Variants in GNL2 observed in about 807,000 individuals in gnomAD.
GNL2 encodes G protein nucleolar 2, also known as nucleolar GTP-binding protein 2.
In GNL2, 51 loss-of-function variants were observed where a neutral mutation model predicts 92.3. The ratio of observed to expected loss-of-function variants is 0.55; its 90% CI spans 0.44 to 0.70. GNL2 has a LOEUF of 0.70. Ranked by LOEUF, GNL2 falls within the 30% of genes least tolerant of loss-of-function variation. GNL2 has a pLI of 0.00. For missense variants in GNL2, 844 were observed against 895.6 expected (o/e 0.94, Z 0.74); for synonymous variants, 283 against 300.6 (o/e 0.94, Z 0.61).
intron 5 of GNL2, among the ~76,000 whole-genome samples, chr1:37,584,321 T>A (rs1643818155): frequency 6.6e-6 from 1 of 151,808 alleles, no homozygotes; most frequent in Non-Finnish European, 1.5e-5. Context: ...TAGTGGTGCA[T>A]GCCTGTAATC....
chr1:37,583,981 T>A, intron 5 of GNL2, 48 bp from the exon 6 acceptor site: 1 of 1,044,136 alleles, frequency 9.6e-7, no homozygotes, highest in Non-Finnish European at 1.5e-6. Context: ...CCATCAAGAC[T>A]AAAAGGATGC....
At chr1:37,573,840 G>C (rs1254124259) in intron 12 of GNL2, among the ~76,000 whole-genome samples, 2 of 152,170 alleles carry the variant, frequency 1.3e-5, no homozygotes, top group Non-Finnish European at 2.9e-5. Context: ...GAGAGAGGGT[G>C]GAGTGATCGC....
chr1:37,579,248 G>A (rs1018074649), intron 8 of GNL2, among the ~76,000 whole-genome samples: 2 of 152,144 alleles, frequency 1.3e-5, no homozygotes, highest in African/African-American at 4.8e-5. Flanking sequence ...GCAGCTGGAT[G>A]ATCAAAACAA....
chr1:37,576,483 T>C lies in GNL2; in HGVS notation c.983A>G (p.Asn328Ser). Reference sequence around the variant, plus strand: ...GCAAACTTTCTTAGAACGCAATGTATTTATCACAGAGCTCTTGCCAACATT... The same window carrying C: ...GCAAACTTTCTTAGAACGCAATGTACTTATCACAGAGCTCTTGCCAACATT... ...YPNVGKSSVI[N>S]TLRSKKVCNV... is the part of the protein sequence containing the mutation. Residue 328 changes from asparagine (N) to serine (S), a missense_variant, in exon 9 of 16, where the codon AAT becomes AGT. Coordinates refer to ENST00000373062, the MANE Select transcript of GNL2 (RefSeq NM_013285.3). 6.2e-7 allele frequency: 1 copy of C among 1,614,072 alleles called. No homozygotes were observed. Among genetic ancestry groups the C allele is most frequent in the Non-Finnish European group, 8.5e-7 (1 of 1,179,904 alleles).
In GNL2 at chr1:37,583,254, T is replaced by C. The variant is rs187250596; in HGVS notation, c.637-318A>G. ...TTCTTTAAGTTTGTAATATTATCTT[T>C]AAGTTTGTAATATTATAGGTTTTGT... On this transcript the variant is annotated intron_variant, in intron 6 of 15. Transcript: ENST00000373062. The C allele has an allele frequency of 2.1e-3, 385 of 185,356 alleles. 1 individual carries two copies. The highest frequency in any genetic ancestry group is 8.4e-3 in the African/African-American group (360 of 42,860). 11.5% of individuals were successfully genotyped at this position (185,356 alleles called of 1,614,324 possible). A position where few individuals can be genotyped will look rare whatever the true frequency, so the allele number is the denominator to read the frequency against.
intron 5 of GNL2, among the ~76,000 whole-genome samples, chr1:37,585,305 C>T (rs193094082): frequency 4.7e-4 from 72 of 151,798 alleles, no homozygotes; most frequent in East Asian, 4.7e-3. Context: ...GTGATCCGCC[C>T]GCCTCAGCCT....
chr1:37,592,121 T>C (rs1643891262), intron 3 of GNL2, among the ~76,000 whole-genome samples: 1 of 152,118 alleles, frequency 6.6e-6, no homozygotes, highest in Non-Finnish European at 1.5e-5. Flanking sequence ...AAGCAAACAC[T>C]GGGGTCTGAT....
intron 12 of GNL2, among the ~76,000 whole-genome samples, chr1:37,571,063 G>A (rs1301732708): frequency 3.9e-5 from 6 of 152,102 alleles, no homozygotes; most frequent in African/African-American, 1.4e-4. Context: ...TTTCTAGGAA[G>A]GGCAATTTTT....
At chr1:37,584,708 G>A (rs1046249589) in intron 5 of GNL2, among the ~76,000 whole-genome samples, 1 of 152,118 alleles carries the variant, frequency 6.6e-6, no homozygotes, top group African/African-American at 2.4e-5. Flanking sequence ...TTGGGATGAT[G>A]AAAAAGTTCT....
In GNL2 at chr1:37,569,155, T is replaced by A. The variant is rs768576056; in HGVS notation, c.1564A>T (p.Met522Leu). ...ENSHCDANTE[M>L]QQILTRVRQN... ...CGAACTCGTGTGAGAATCTGCTGCA[T>A]CTCTGTGTTAGCATCACAGTGACTG... Residue 522 changes from methionine to leucine, a missense_variant, in exon 13 of 16, where the codon ATG (methionine) becomes TTG (leucine). Physicochemically the swap from Met to Leu is conservative, Grantham distance 15. Coordinates refer to ENST00000373062, the MANE Select transcript of GNL2 (RefSeq NM_013285.3). 7 of 1,614,068 alleles carry A rather than the reference T, an allele frequency of 4.3e-6. No individual in the cohort carries two copies. The Admixed American group carries it at 1.2e-4, about 27-fold the overall frequency.
In GNL2 at chr1:37,588,386, A is replaced by C. The variant is rs564485287; in HGVS notation, c.385-891T>G. Reference sequence around the variant, plus strand: ...GCCCCTGTGGTTTCTGAACTTTAACAGATCCCCTCTTCCAACTTCTAAAGA... The same window carrying C: ...GCCCCTGTGGTTTCTGAACTTTAACCGATCCCCTCTTCCAACTTCTAAAGA... On this transcript the variant is annotated intron_variant, in intron 4 of 15. Coordinates refer to ENST00000373062, the MANE Select transcript of GNL2 (RefSeq NM_013285.3). Among the ~76,000 whole-genome samples the C allele has an allele frequency of 7.9e-5, 12 of 152,314 alleles. 1 individual carries two copies. The highest frequency in any genetic ancestry group is 7.9e-4 in the Admixed American group (12 of 15,286).
chr1:37,595,684 C>T, intron 1 of GNL2, 75 bp downstream of exon 1: 1 of 1,245,282 alleles, frequency 8.0e-7, no homozygotes, highest in South Asian at 1.2e-5. Flanking sequence ...AACCCTCCTT[C>T]CCCTCCAGTG....
chr1:37,576,140 AG>A (rs1335863321), intron 9 of GNL2: 1 of 347,308 alleles, frequency 2.9e-6, no homozygotes, highest in Non-Finnish European at 5.2e-6. Context: ...TTCTTGGGTT[AG>A]TTTTGTTTAT....
At chr1:37,571,506 G>T (rs1034747702) in intron 12 of GNL2, among the ~76,000 whole-genome samples, 9 of 152,256 alleles carry the variant, frequency 5.9e-5, no homozygotes, top group Middle Eastern at 6.8e-3. Context: ...TGAGAACACA[G>T]CTTCTTCATC....
chr1:37,583,738 A>G, intron 6 of GNL2, 129 bp downstream of exon 6: 1 of 605,988 alleles, frequency 1.7e-6, no homozygotes. Flanking sequence ...TGTAGGAGGA[A>G]GAGGATGGAA....
rs1208194319 is a variant in GNL2 at position 37,576,500 on chromosome 1, GC to G, written c.965del (p.Gly322AlafsTer5). The G allele has an allele frequency of 6.2e-7, 1 of 1,613,848 alleles. No homozygotes were observed. The highest frequency in any genetic ancestry group is 8.5e-7 in the Non-Finnish European group (1 of 1,179,838). On this transcript the variant is annotated frameshift_variant, in exon 9 of 16. Transcript: ENST00000373062. LOFTEE classifies it high-confidence loss of function. ...GCAATGTATTTATCACAGAGCTCTT[GC>G]CAACATTTGGATAGCCAATGAACCC... ...SVGFIGYPNVGKSSVINTLRS... is the reference protein window; with the variant it reads ...SVGFIGYPNVXKSSVINTLRS...
intron 5 of GNL2, among the ~76,000 whole-genome samples, chr1:37,585,811 T>C (rs1570067859): frequency 6.6e-6 from 1 of 152,110 alleles, no homozygotes; most frequent in African/African-American, 2.4e-5. Context: ...CAAAGGACAA[T>C]GCCTCTTCAC....
chr1:37,571,935 C>T (rs943848335), intron 12 of GNL2, among the ~76,000 whole-genome samples: 1 of 152,120 alleles, frequency 6.6e-6, no homozygotes, highest in African/African-American at 2.4e-5. Flanking sequence ...ATGACACCCT[C>T]TCCTGGCCCA....
chr1:37,590,936 C>T (rs1186924398), intron 3 of GNL2, 91 bp from the exon 4 acceptor site: 2 of 1,096,910 alleles, frequency 1.8e-6, no homozygotes, highest in Non-Finnish European at 2.6e-6. Flanking sequence ...TTAAATTACC[C>T]TCACTTACCC....
Sources: allele counts gnomAD v4.1 joint callset (sites outside exome capture counted in the v4.1 genomes callset), GRCh38; gene constraint gnomAD v4.1.1; transcripts MANE v1.5; gene names NCBI Gene and HGNC (gene_info 2026-07-23, HGNC 2026-07-21).